The following RAD50 variants were observed in gnomAD, a reference collection of about 807,000 sequenced individuals.
The protein encoded by RAD50 is RAD50 double strand break repair protein.
A neutral mutation model predicts 168.8 loss-of-function variants in RAD50; 132 were observed. That is an observed-to-expected ratio of 0.78 (90% confidence interval 0.68 to 0.90). RAD50 has a LOEUF of 0.90. RAD50 is among the 40% of genes least tolerant of loss of function. The probability of loss-of-function intolerance (pLI) is 0.00; values close to 1 mark genes in which losing one functional copy is unlikely to be tolerated. For missense variants in RAD50, 1,347 were observed against 1,534.4 expected (o/e 0.88, Z 2.04); for synonymous variants, 525 against 497.4 (o/e 1.06, Z -0.74).
chr5:132,557,912 A>G (rs1323708386), intron 1 of RAD50, among the ~76,000 whole-genome samples: 4 of 152,242 alleles, frequency 2.6e-5, no homozygotes, highest in South Asian at 2.1e-4. Flanking sequence ...TGGAAAATAA[A>G]TAAATTCAAA....
chr5:132,624,399 A>G (rs996986178), intron 21 of RAD50, among the ~76,000 whole-genome samples: 3 of 152,122 alleles, frequency 2.0e-5, no homozygotes, highest in African/African-American at 7.2e-5. Flanking sequence ...TTTGCCTTTA[A>G]TAATTCTTTT....
intron 22 of RAD50, among the ~76,000 whole-genome samples, chr5:132,637,648 G>C (rs937323309): frequency 1.3e-5 from 2 of 151,774 alleles, no homozygotes; most frequent in Admixed American, 1.3e-4. Flanking sequence ...TCCCACCTCA[G>C]CCTCCCGAGT....
Position 132,604,904 on chromosome 5 carries a change from C to CTGTA in RAD50, c.2624_2625insGTAT (p.Gln876TyrfsTer6). ...AACAAATGAGCTAAAATCTGAGAAA[C>CTGTA]TTCAGATATCCACTAATTTGCAACG... is the stretch of plus-strand genomic sequence containing the variant. On this transcript the variant is annotated frameshift_variant, in exon 16 of 25. Coordinates refer to ENST00000378823, the MANE Select transcript of RAD50 (RefSeq NM_005732.4). LOFTEE classifies it high-confidence loss of function. 6.2e-7 allele frequency: 1 copy of CTGTA among 1,613,386 alleles called. No homozygotes were observed. Among genetic ancestry groups the CTGTA allele is most frequent in the Non-Finnish European group, 8.5e-7 (1 of 1,179,354 alleles).
intron 9 of RAD50, among the ~76,000 whole-genome samples, 194 bp from the exon 10 acceptor site, chr5:132,591,030 T>C (rs1750687847): frequency 6.6e-6 from 1 of 152,260 alleles, no homozygotes. Flanking sequence ...TCTACCATTA[T>C]AACATAGTAA....
At position 132,603,428 on chromosome 5, in the gene RAD50, T is replaced by C. The variant is rs760464146; in HGVS notation, c.2336T>C (p.Met779Thr). 1.2e-5 allele frequency: 20 copies of C among 1,613,866 alleles called. No homozygotes were observed. The highest frequency in any genetic ancestry group is 1.6e-5 in the Non-Finnish European group (19 of 1,179,920). Residue 779 changes from methionine to threonine, a missense_variant, in exon 14 of 25, where the codon ATG becomes ACG. Met to Thr is a moderately conservative substitution (Grantham distance 81, BLOSUM62 -1). This residue lies in a region of RAD50 where 635 missense variants were observed against 739.2 expected (regional missense o/e 0.86). Transcript: ENST00000378823. ...CAAGAAACACTCTTGGGTACAATAA[T>C]GCCTGAAGAAGAAAGTGCCAAAGTA... ...EEQETLLGTI[M>T]PEEESAKVCL...
chr5:132,626,391 G>C (rs994417864), intron 21 of RAD50, among the ~76,000 whole-genome samples: 1 of 152,064 alleles, frequency 6.6e-6, no homozygotes, highest in Non-Finnish European at 1.5e-5. Context: ...CTCCATAGTG[G>C]TGATTTTGAG....
At position 132,646,188 on chromosome 5, in the gene RAD50, A is replaced by G. The variant is rs569084326; in HGVS notation, c.*3824A>G. ...ATAGGATATAGGCAGGGCACTGACCACTCCTACAACCACCATCTATACACT... is the reference window on the plus strand; with the variant it reads ...ATAGGATATAGGCAGGGCACTGACCGCTCCTACAACCACCATCTATACACT... On this transcript the variant is annotated 3_prime_UTR_variant, in exon 25 of 25. Transcript: ENST00000378823. 6.6e-6 allele frequency: 1 copy of G among 151,168 alleles called. No homozygotes were observed. Among genetic ancestry groups the G allele is most frequent in the African/African-American group, 2.4e-5 (1 of 41,144 alleles). The allele number at this position is 151,168 out of a possible 1,614,324, so 9.4% of individuals were successfully genotyped here. A position where few individuals can be genotyped will look rare whatever the true frequency, so the allele number is the denominator to read the frequency against.
At chr5:132,637,654 C>T (rs781660067) in intron 22 of RAD50, among the ~76,000 whole-genome samples, 5 of 151,980 alleles carry the variant, frequency 3.3e-5, no homozygotes, top group Non-Finnish European at 7.4e-5. Context: ...CTCAGCCTCC[C>T]GAGTAGTAGC....
At chr5:132,608,398 T>C (rs1440379706) in intron 16 of RAD50, among the ~76,000 whole-genome samples, 1 of 152,202 alleles carries the variant, frequency 6.6e-6, no homozygotes, top group Non-Finnish European at 1.5e-5. Context: ...TACTGGCTGT[T>C]GTGACCCTGG....
At chr5:132,606,277 A>T (rs1490782553) in intron 16 of RAD50, among the ~76,000 whole-genome samples, 1 of 152,210 alleles carries the variant, frequency 6.6e-6, no homozygotes, top group Non-Finnish European at 1.5e-5. Flanking sequence ...GCAATAAAAA[A>T]TGATAAAGGG....
At chr5:132,637,989 A>G in intron 22 of RAD50, 92 bp from the exon 23 acceptor site, 2 of 1,364,506 alleles carry the variant, frequency 1.5e-6, no homozygotes, top group Non-Finnish European at 2.1e-6. Context: ...TGTCAGCCTC[A>G]TCTGTTGTTC....
At chr5:132,593,006 G>C in intron 11 of RAD50, 1 of 393,770 alleles carries the variant, frequency 2.5e-6, no homozygotes, top group Non-Finnish European at 5.4e-6. Flanking sequence ...GTTAATCATT[G>C]ATCTTCTTCA....
At chr5:132,641,558 G>T (rs894715179) in intron 24 of RAD50, among the ~76,000 whole-genome samples, 4 of 152,182 alleles carry the variant, frequency 2.6e-5, no homozygotes, top group Non-Finnish European at 5.9e-5. Context: ...GCTCCAGGAA[G>T]GGGATAAGTG....
intron 24 of RAD50, 147 bp from the exon 25 acceptor site, chr5:132,642,031 G>A: frequency 1.2e-6 from 1 of 819,314 alleles, no homozygotes; most frequent in South Asian, 1.6e-5. Flanking sequence ...CTGAAGGCCT[G>A]GGGCCACCCC....
chr5:132,634,515 T>G (rs1751536913), intron 21 of RAD50, among the ~76,000 whole-genome samples: 1 of 152,148 alleles, frequency 6.6e-6, no homozygotes, highest in Non-Finnish European at 1.5e-5. Context: ...GGCTTTTCTC[T>G]CTTTTTTTCA....
At chr5:132,640,960 G>T (rs1189961758) in intron 24 of RAD50, among the ~76,000 whole-genome samples, 155 bp downstream of exon 24, 2 of 152,154 alleles carry the variant, frequency 1.3e-5, no homozygotes, top group Admixed American at 6.5e-5. Context: ...CAGGCCCTGG[G>T]CTTTACCTTT....
At chr5:132,616,428 A>G (rs1751179605) in intron 20 of RAD50, among the ~76,000 whole-genome samples, 1 of 152,238 alleles carries the variant, frequency 6.6e-6, no homozygotes, top group South Asian at 2.1e-4. Context: ...TACTAAGCAT[A>G]AAGAATATGG....
chr5:132,585,001 T>C (rs1014285431), intron 5 of RAD50, among the ~76,000 whole-genome samples: 3 of 151,178 alleles, frequency 2.0e-5, no homozygotes, highest in Non-Finnish European at 3.0e-5. Flanking sequence ...CTAATGTAAA[T>C]GACGAGTTAA....
At chr5:132,598,660 A>AT (rs1750835506) in intron 13 of RAD50, among the ~76,000 whole-genome samples, 8 of 152,192 alleles carry the variant, frequency 5.3e-5, no homozygotes, top group African/African-American at 1.9e-4. Flanking sequence ...AGTGATGCTC[A>AT]CTATTGTCTG....
Sources: allele counts gnomAD v4.1 joint callset (sites outside exome capture counted in the v4.1 genomes callset), GRCh38; gene constraint gnomAD v4.1.1; regional missense constraint gnomAD v4.1.1; transcripts MANE v1.5; gene names NCBI Gene and HGNC (gene_info 2026-07-23, HGNC 2026-07-21).